Variants in S100Z observed in about 807,000 individuals in gnomAD.
S100Z encodes the protein S100 calcium binding protein Z, also known as protein S100-Z.
In S100Z, 11 loss-of-function variants were observed where a neutral mutation model predicts 8.5. That is an observed-to-expected ratio of 1.30 (90% CI 0.82 to 2.15). The LOEUF (loss-of-function observed/expected upper bound fraction) is 2.15. S100Z is among the 30% of genes most tolerant of loss of function. The pLI, the probability that S100Z is intolerant of heterozygous loss-of-function variation, is 0.00. For synonymous variants in S100Z, 34 were observed against 43.8 expected, an observed-to-expected ratio of 0.78 and a Z score of 0.89; for missense variants, 126 against 117.9, an observed-to-expected ratio of 1.07 and a Z score of -0.32.
At chr5:76,873,637 C>A (rs1255137355) in intron 2 of S100Z, among the ~76,000 whole-genome samples, 1 of 152,128 alleles carries the variant, frequency 6.6e-6, no homozygotes, top group African/African-American at 2.4e-5. Flanking sequence ...GTACAGTGAA[C>A]ACCTCCTGGG....
intron 4 of S100Z, among the ~76,000 whole-genome samples, chr5:76,892,808 G>T (rs1743909950): frequency 6.6e-6 from 1 of 152,192 alleles, no homozygotes; most frequent in Non-Finnish European, 1.5e-5. Context: ...CTGTGAATCT[G>T]CATTTTACAG....
chr5:76,908,067 G>A (rs1278302318), intron 4 of S100Z, among the ~76,000 whole-genome samples: 1 of 152,160 alleles, frequency 6.6e-6, no homozygotes, highest in African/African-American at 2.4e-5. Flanking sequence ...GGGAAGTTGA[G>A]GATTCGGTAA....
intron 2 of S100Z, among the ~76,000 whole-genome samples, chr5:76,873,575 G>C (rs1743082902): frequency 6.6e-6 from 1 of 152,130 alleles, no homozygotes; most frequent in Non-Finnish European, 1.5e-5. Flanking sequence ...TGGGATTACA[G>C]GATTGAGCCA....
At chr5:76,867,722 C>T (rs1742819349) in intron 1 of S100Z, among the ~76,000 whole-genome samples, 1 of 151,766 alleles carries the variant, frequency 6.6e-6, no homozygotes, top group Non-Finnish European at 1.5e-5. Context: ...GCTGGGATTA[C>T]AGGCATGCAT....
At chr5:76,928,972 G>A in the S100Z span, among the ~76,000 whole-genome samples, 1 of 152,182 alleles carries the variant, frequency 6.6e-6, no homozygotes, top group Admixed American at 6.5e-5. Flanking sequence ...GAACTCCGGG[G>A]CTCTCAAGTG....
chr5:76,869,435 G>T, intron 1 of S100Z, among the ~76,000 whole-genome samples: 1 of 152,176 alleles, frequency 6.6e-6, no homozygotes. Flanking sequence ...GGAGCAGATG[G>T]AATTAGCTTT....
In S100Z at chr5:76,859,768, CAAAAAA is replaced by C. The variant is rs70982653; in HGVS notation, c.-176+9625_-176+9630del. 3.3e-3 allele frequency among the ~76,000 whole-genome samples: 324 copies of C among 97,658 alleles called. 4 individuals carry two copies. Among genetic ancestry groups the C allele is most frequent in the African/African-American group, 0.012 (313 of 25,700 alleles). The allele number at this position is 97,658 out of a possible 152,430, so 64.1% of individuals were successfully genotyped here. ...TGCACTACAGCCAGGGCAACAGAGC[CAAAAAA>C]AAAAAAAAAAAGAAATAAGAAAATG... is the stretch of plus-strand genomic sequence containing the variant. On this transcript the variant is annotated intron_variant, in intron 1 of 4. Transcript: ENST00000317593.
chr5:76,875,719 AG>A (rs1743167246), intron 3 of S100Z, among the ~76,000 whole-genome samples: 1 of 152,166 alleles, frequency 6.6e-6, no homozygotes, highest in East Asian at 1.9e-4. Flanking sequence ...AGGGTTTCTA[AG>A]TGGTAAAAAT....
At chr5:76,950,532 C>T in the S100Z span, among the ~76,000 whole-genome samples, 1 of 152,152 alleles carries the variant, frequency 6.6e-6, no homozygotes, top group Admixed American at 6.5e-5. Flanking sequence ...CTTATTCCTA[C>T]CTAACAAAAA....
At chr5:76,940,476 G>A in the S100Z span, among the ~76,000 whole-genome samples, 7 of 151,642 alleles carry the variant, frequency 4.6e-5, no homozygotes, top group African/African-American at 1.5e-4. Context: ...GCAGCGGCAC[G>A]ATCTCAACTA....
chr5:76,940,333 T>C, the S100Z span, among the ~76,000 whole-genome samples: 112,774 of 151,954 alleles, frequency 0.74, 42,462 homozygotes, highest in East Asian at 0.93. Context: ...AGATGGGATC[T>C]GGAGCAAAGG....
downstream of S100Z, among the ~76,000 whole-genome samples, chr5:76,926,419 G>GA (rs201210728): frequency 3.1e-3 from 469 of 152,026 alleles, 1 homozygote; most frequent in African/African-American, 0.011. Flanking sequence ...GGGCTTTGAG[G>GA]AAAAAAAAGA....
Position 76,875,452 on chromosome 5 carries a change from GGGGGAA to G in S100Z, c.94_99del (p.Gly32_Glu33del). On this transcript the variant is annotated inframe_deletion, in exon 3 of 5. Coordinates refer to ENST00000317593, the MANE Select transcript of S100Z (RefSeq NM_130772.4). ...AAAGGAAGAGATTCAAGCTCAGCAA[GGGGGAA>G]CTGAAACTGCTCCTGCAGCGAGAGC... is the stretch of plus-strand genomic sequence containing the variant. The G allele has an allele frequency of 6.2e-7, 1 of 1,612,644 alleles. No individual in the cohort carries two copies. The highest frequency in any genetic ancestry group is 8.5e-7 in the Non-Finnish European group (1 of 1,179,360).
Position 76,895,407 on chromosome 5 carries a change from G to T in S100Z, c.*2+17573G>T, listed in dbSNP as rs74712591. Among the ~76,000 whole-genome samples the T allele has an allele frequency of 9.1e-3, 1,387 of 152,028 alleles. 20 individuals are homozygous for T. Among genetic ancestry groups the T allele is most frequent in the African/African-American group, 0.032 (1,336 of 41,448 alleles). ...CCCTATCAACAATTCCCAAATGATA[G>T]AAATTTGGTCATCAAATATTATCTA... On this transcript the variant is annotated intron_variant, in intron 4 of 4. Transcript: ENST00000317593.
the S100Z span, among the ~76,000 whole-genome samples, chr5:76,940,293 C>T: frequency 1.3e-5 from 2 of 152,048 alleles, no homozygotes; most frequent in Non-Finnish European, 2.9e-5. Flanking sequence ...TTAGGAGGAA[C>T]CTAACAGAGA....
the S100Z span, among the ~76,000 whole-genome samples, chr5:76,929,654 C>G: frequency 6.6e-6 from 1 of 152,080 alleles, no homozygotes; most frequent in South Asian, 2.1e-4. Context: ...CTGAATGTGT[C>G]AGAAACCAAG....
chr5:76,914,906 G>A (rs1318007284), intron 4 of S100Z, among the ~76,000 whole-genome samples: 1 of 152,174 alleles, frequency 6.6e-6, no homozygotes, highest in Non-Finnish European at 1.5e-5. Context: ...AACATCTGAA[G>A]GAACAAACTC....
At chr5:76,873,906 C>T (rs568081550) in intron 2 of S100Z, among the ~76,000 whole-genome samples, 36 of 152,298 alleles carry the variant, frequency 2.4e-4, no homozygotes, top group Non-Finnish European at 5.9e-5. Context: ...GATTCCTGCA[C>T]ACACAGCTGC....
chr5:76,893,542 C>CAAA lies in S100Z; in HGVS notation c.*2+15719_*2+15721dup, dbSNP rs202051229. Among the ~76,000 whole-genome samples the CAAA allele has an allele frequency of 4.6e-3, 663 of 142,598 alleles. 10 individuals are homozygous for CAAA. The highest frequency in any genetic ancestry group is 0.016 in the African/African-American group (624 of 39,076). 93.5% of individuals were successfully genotyped at this position (142,598 alleles called of 152,430 possible). On this transcript the variant is annotated intron_variant, in intron 4 of 4. Coordinates refer to ENST00000317593, the MANE Select transcript of S100Z (RefSeq NM_130772.4). ...TGGGTGACAGAACAAGATCTTATCT[C>CAAA]AAAAAAAAAAAAATTGCCAGAAAAC...
Sources: allele counts gnomAD v4.1 joint callset (sites outside exome capture counted in the v4.1 genomes callset), GRCh38; gene constraint gnomAD v4.1.1; transcripts MANE v1.5; gene names NCBI Gene and HGNC (gene_info 2026-07-23, HGNC 2026-07-21).